Variants in SH3PXD2B observed in about 807,000 individuals in gnomAD.
SH3PXD2B encodes SH3 and PX domain-containing protein 2B.
In SH3PXD2B, 37 loss-of-function variants were observed where a neutral mutation model predicts 73.1. The observed-to-expected ratio is 0.51, with a 90% CI of 0.39 to 0.67. The LOEUF is 0.67. Ranked by LOEUF, SH3PXD2B falls within the 30% of genes least tolerant of loss-of-function variation. SH3PXD2B has a pLI of 0.00. For missense variants in SH3PXD2B, 1,053 were observed against 1,197.8 expected (o/e 0.88, Z 1.78); for synonymous variants, 457 against 480.5 (o/e 0.95, Z 0.64).
At chr5:172,382,009 T>C (rs1414281781) in intron 5 of SH3PXD2B, 27 bp downstream of exon 5, 2 of 1,575,292 alleles carry the variant, frequency 1.3e-6, no homozygotes, top group South Asian at 1.1e-5. Context: ...TGGGGCTCCA[T>C]CTGGGGAAGC....
chr5:172,445,326 A>C lies in SH3PXD2B; in HGVS notation c.75+8952T>G, dbSNP rs1443444693. ...TGGGCTCAAGCGATCTTCCTGCCTC[A>C]GCCTCTCAAGTAGCTGGGATTGCAG... On this transcript the variant is annotated intron_variant, in intron 1 of 12. Coordinates refer to ENST00000311601, the MANE Select transcript of SH3PXD2B (RefSeq NM_001017995.3). The surrounding 1 kb of genome is among the most constrained non-coding windows in gnomAD (Gnocchi z 5.2). Among the ~76,000 whole-genome samples, 4 of 152,246 alleles carry C rather than the reference A, an allele frequency of 2.6e-5. No individual in the cohort carries two copies. The highest frequency in any genetic ancestry group is 5.9e-5 in the Non-Finnish European group (4 of 68,044).
At chr5:172,413,979 G>A (rs949877391) in intron 2 of SH3PXD2B, among the ~76,000 whole-genome samples, 1 of 152,252 alleles carries the variant, frequency 6.6e-6, no homozygotes, top group Admixed American at 6.5e-5. Context: ...GCCAGGCAAT[G>A]CCTGCCTAGG....
chr5:172,336,753 GTTC>G lies in SH3PXD2B; in HGVS notation c.*1613_*1615del. 1.0e-6 allele frequency: 1 copy of G among 985,728 alleles called. No individual in the cohort carries two copies. Among genetic ancestry groups the G allele is most frequent in the Non-Finnish European group, 1.2e-6 (1 of 830,220 alleles). 61.1% of individuals were successfully genotyped at this position (985,728 alleles called of 1,614,324 possible). ...CCTCGGTCGGGTAGAATGGGAAGGG[GTTC>G]TGCTCTGCTCTCTTACTCTGGGCTG... On this transcript the variant is annotated 3_prime_UTR_variant, in exon 13 of 13. Coordinates refer to ENST00000311601, the MANE Select transcript of SH3PXD2B (RefSeq NM_001017995.3).
intron 1 of SH3PXD2B, among the ~76,000 whole-genome samples, chr5:172,441,370 C>T (rs1250946607): frequency 2.6e-5 from 4 of 152,216 alleles, no homozygotes; most frequent in African/African-American, 9.6e-5. Context: ...CGGCCTGGGG[C>T]CAGCAGGGCG....
intron 7 of SH3PXD2B, among the ~76,000 whole-genome samples, chr5:172,361,649 TA>T (rs1167266382): frequency 1.3e-5 from 2 of 152,194 alleles, no homozygotes; most frequent in African/African-American, 4.8e-5. Flanking sequence ...CACATGGCCT[TA>T]GGGGCTGCTG....
chr5:172,336,912 G>A lies in SH3PXD2B; in HGVS notation c.*1457C>T. 1 of 985,386 alleles carries A rather than the reference G, an allele frequency of 1.0e-6. No individual in the cohort carries two copies. Among genetic ancestry groups the A allele is most frequent in the Non-Finnish European group, 1.2e-6 (1 of 829,962 alleles). 61.0% of individuals were successfully genotyped at this position (985,386 alleles called of 1,614,324 possible). On this transcript the variant is annotated 3_prime_UTR_variant, in exon 13 of 13. Transcript: ENST00000311601. ...GGAGAAAACAGATTTGGCAGTGCGT[G>A]AAAAAAGAAAAAAACATTACAAATG...
rs534796248 is a variant in SH3PXD2B at position 172,339,813 on chromosome 5, G to A, written c.1292C>T (p.Ala431Val). 64 of 1,613,824 alleles carry A rather than the reference G, an allele frequency of 4.0e-5. No homozygotes were observed. The highest frequency in any genetic ancestry group is 1.8e-4 in the East Asian group (8 of 44,894). The change falls in exon 13 of 13, where the codon GCG becomes GTG. Residue 431 changes from alanine (A) to valine (V), a missense_variant. By Grantham distance (64) the Ala-to-Val change is moderately conservative (BLOSUM62 0). Transcript: ENST00000311601. The surrounding 1 kb of genome is among the most constrained non-coding windows in gnomAD (Gnocchi z 6.1). ...FIDKYKKTSN[A>V]SRPNFLAPLP... is the part of the protein sequence containing the mutation. ...GGGAGCCAGAAAGTTGGGTCTCGAC[G>A]CGTTGCTCGTCTTCTTGTACTTGTC...
chr5:172,442,512 T>G (rs1439929958), intron 1 of SH3PXD2B, among the ~76,000 whole-genome samples: 1 of 152,210 alleles, frequency 6.6e-6, no homozygotes, highest in Non-Finnish European at 1.5e-5. Flanking sequence ...ACATTTAGGC[T>G]ACTTTGAACA....
At chr5:172,449,137 G>A (rs963456545) in intron 1 of SH3PXD2B, among the ~76,000 whole-genome samples, 1 of 152,228 alleles carries the variant, frequency 6.6e-6, no homozygotes, top group African/African-American at 2.4e-5. Context: ...AGCCTGCAGA[G>A]CCATCACTCC....
At chr5:172,347,397 G>T (rs1042870533) in intron 10 of SH3PXD2B, 65 bp from the exon 11 acceptor site, 9 of 1,545,520 alleles carry the variant, frequency 5.8e-6, no homozygotes, top group Non-Finnish European at 8.0e-6. Flanking sequence ...TGGGTGCCAG[G>T]TCGGGTCTAT....
intron 7 of SH3PXD2B, among the ~76,000 whole-genome samples, chr5:172,360,182 G>T (rs1417361123): frequency 6.6e-6 from 1 of 152,158 alleles, no homozygotes; most frequent in Non-Finnish European, 1.5e-5. Flanking sequence ...ATTTGTATTT[G>T]TAAATATTTG....
intron 5 of SH3PXD2B, among the ~76,000 whole-genome samples, chr5:172,380,980 A>C (rs1757930821): frequency 6.6e-6 from 1 of 152,234 alleles, no homozygotes; most frequent in Non-Finnish European, 1.5e-5. Context: ...TGTGTGTATA[A>C]ATATAAATGG....
At chr5:172,429,452 C>T (rs960556114) in intron 1 of SH3PXD2B, among the ~76,000 whole-genome samples, 2 of 152,178 alleles carry the variant, frequency 1.3e-5, no homozygotes, top group Non-Finnish European at 2.9e-5. Flanking sequence ...GAGCCGGAAT[C>T]ATCTACCCTT....
intron 5 of SH3PXD2B, among the ~76,000 whole-genome samples, chr5:172,381,544 T>C (rs1218065032): frequency 1.3e-5 from 2 of 151,804 alleles, no homozygotes; most frequent in Non-Finnish European, 2.9e-5. Context: ...CAGGGAGAAG[T>C]GACAGGGAGG....
chr5:172,446,394 G>A (rs1265992115), intron 1 of SH3PXD2B, among the ~76,000 whole-genome samples: 2 of 152,230 alleles, frequency 1.3e-5, no homozygotes, highest in South Asian at 2.1e-4. Flanking sequence ...CAGGCTGCTC[G>A]GGGGGCAGTG....
Position 172,335,135 on chromosome 5 carries a change from G to C in SH3PXD2B, c.*3234C>G. 1.0e-6 allele frequency: 1 copy of C among 987,568 alleles called. No individual in the cohort carries two copies. Among genetic ancestry groups the C allele is most frequent in the Non-Finnish European group, 1.2e-6 (1 of 831,484 alleles). 61.2% of individuals were successfully genotyped at this position (987,568 alleles called of 1,614,324 possible). The stretch of plus-strand genomic sequence containing the variant: ...CCTCTTTTATCAAGAGGTGGTCTTA[G>C]ACTCAGGGTTTTCCAAATTTTTGGA... On this transcript the variant is annotated 3_prime_UTR_variant, in exon 13 of 13. Coordinates refer to ENST00000311601, the MANE Select transcript of SH3PXD2B (RefSeq NM_001017995.3).
chr5:172,366,275 C>T (rs1029657939), intron 6 of SH3PXD2B, among the ~76,000 whole-genome samples: 1 of 152,164 alleles, frequency 6.6e-6, no homozygotes, highest in Non-Finnish European at 1.5e-5. Context: ...GAGGGGCTTC[C>T]CTGGGGCCAG....
chr5:172,417,743 G>C (rs1758857771), intron 2 of SH3PXD2B, among the ~76,000 whole-genome samples: 1 of 152,106 alleles, frequency 6.6e-6, no homozygotes, highest in Middle Eastern at 3.2e-3. Flanking sequence ...CATTTGCTTG[G>C]TGCTCGACAG....
chr5:172,410,647 C>T (rs375412601), intron 2 of SH3PXD2B, among the ~76,000 whole-genome samples: 4 of 152,210 alleles, frequency 2.6e-5, no homozygotes, highest in Admixed American at 2.0e-4. Flanking sequence ...AACCAATGAA[C>T]GCAACTGAGC....
Sources: allele counts gnomAD v4.1 joint callset (sites outside exome capture counted in the v4.1 genomes callset), GRCh38; gene constraint gnomAD v4.1.1; non-coding constraint Gnocchi (gnomAD v3.1); transcripts MANE v1.5; gene names NCBI Gene and HGNC (gene_info 2026-07-23, HGNC 2026-07-21).